The following GALNT17 variants were observed in gnomAD, a reference collection of about 807,000 sequenced individuals.
The protein encoded by GALNT17 is polypeptide N-acetylgalactosaminyltransferase 17, also known as UDP-GalNAc:polypeptide N-acetylgalactosaminyltransferase-like 3.
Under a neutral mutation model 63.7 loss-of-function variants are expected in GALNT17, and 29 were observed. The ratio of observed to expected loss-of-function variants is 0.46; its 90% confidence interval spans 0.34 to 0.62. The LOEUF (loss-of-function observed/expected upper bound fraction) is 0.62. GALNT17 is among the 20% of genes least tolerant of loss of function. The pLI, the probability that GALNT17 is intolerant of heterozygous loss-of-function variation, is 0.01. For synonymous variants in GALNT17, 305 were observed against 318.3 expected (o/e 0.96, Z 0.45); for missense variants, 603 against 799.6 (o/e 0.75, Z 2.97).
intron 5 of GALNT17, among the ~76,000 whole-genome samples, chr7:71,423,192 C>T (rs2116460961): frequency 6.6e-6 from 1 of 152,318 alleles, no homozygotes. Context: ...TACCTGTCCT[C>T]ATTTAGGTCC....
At chr7:71,482,287 T>TTACAG (rs1787834756) in intron 5 of GALNT17, among the ~76,000 whole-genome samples, 1 of 151,954 alleles carries the variant, frequency 6.6e-6, no homozygotes, top group South Asian at 2.1e-4. Context: ...GTAGCTGGGA[T>TTACAG]TACAGGCACC....
At chr7:71,156,760 A>G (rs1434292638) in intron 1 of GALNT17, among the ~76,000 whole-genome samples, 1 of 143,592 alleles carries the variant, frequency 7.0e-6, no homozygotes, top group South Asian at 2.2e-4. Flanking sequence ...GCCCAGGCTC[A>G]CTGCCCAGGA....
intron 1 of GALNT17, among the ~76,000 whole-genome samples, chr7:71,134,835 G>GTTTTTTTTTTTT (rs561383417): frequency 1.7e-5 from 1 of 57,908 alleles, no homozygotes; most frequent in Admixed American, 3.0e-4. Flanking sequence ...TTGTTTTATG[G>GTTTTTTTTTTTT]TTTTTTTTTT....
rs576318251 is a variant in GALNT17, at chr7:71,356,092, C to G, written c.422+20359C>G. 2.0e-5 allele frequency among the ~76,000 whole-genome samples: 3 copies of G among 152,196 alleles called. No homozygotes were observed. In the East Asian group the frequency reaches 5.8e-4, roughly 30 times the overall value. On this transcript the variant is annotated intron_variant, in intron 2 of 10. Transcript: ENST00000333538. ...TCCTGAGTTCAAGCGATTCTCCTGC[C>G]TCAGCCTCTGAGTAGCTGGAATTAC... is the stretch of plus-strand genomic sequence containing the variant.
chr7:71,407,605 G>A (rs546922404), intron 3 of GALNT17, among the ~76,000 whole-genome samples: 20 of 152,040 alleles, frequency 1.3e-4, no homozygotes, highest in African/African-American at 4.1e-4. Flanking sequence ...AAAATTAGCC[G>A]GACATGGTGG....
chr7:71,301,278 C>T (rs1436443354), intron 1 of GALNT17, among the ~76,000 whole-genome samples: 1 of 150,676 alleles, frequency 6.6e-6, no homozygotes, highest in Non-Finnish European at 1.5e-5. Context: ...CAGAGTGAGA[C>T]CCTGCCTGAT....
intron 1 of GALNT17, among the ~76,000 whole-genome samples, chr7:71,232,789 A>G (rs1164750185): frequency 6.6e-6 from 1 of 152,072 alleles, no homozygotes; most frequent in Non-Finnish European, 1.5e-5. Flanking sequence ...AGAAATTTCT[A>G]GATGAGGGGT....
chr7:71,357,333 C>T (rs1792306019), intron 2 of GALNT17, among the ~76,000 whole-genome samples: 1 of 152,146 alleles, frequency 6.6e-6, no homozygotes, highest in Admixed American at 6.5e-5. Flanking sequence ...CTATTGTGAA[C>T]TGTGCATGCA....
At chr7:71,358,321 G>C (rs1792330307) in intron 2 of GALNT17, among the ~76,000 whole-genome samples, 1 of 152,226 alleles carries the variant, frequency 6.6e-6, no homozygotes, top group Admixed American at 6.5e-5. Context: ...CTTGAACGCC[G>C]GAGGCGGAGG....
At chr7:71,384,970 T>C (rs1425264610) in intron 2 of GALNT17, among the ~76,000 whole-genome samples, 1 of 152,196 alleles carries the variant, frequency 6.6e-6, no homozygotes, top group East Asian at 1.9e-4. Flanking sequence ...CTGCATTGCA[T>C]TGACAACTGC....
chr7:71,279,558 C>A (rs1790743978), intron 1 of GALNT17, among the ~76,000 whole-genome samples: 1 of 151,802 alleles, frequency 6.6e-6, no homozygotes, highest in African/African-American at 2.4e-5. Flanking sequence ...ATCTAGTAGA[C>A]CTCATCTTAA....
intron 1 of GALNT17, among the ~76,000 whole-genome samples, chr7:71,261,555 C>G (rs771553018): frequency 1.6e-4 from 25 of 152,146 alleles, no homozygotes; most frequent in Non-Finnish European, 3.4e-4. Flanking sequence ...CTGGAAGAGA[C>G]ACTGCAAATC....
chr7:71,482,946 C>T (rs747685685), intron 5 of GALNT17, among the ~76,000 whole-genome samples: 1 of 152,072 alleles, frequency 6.6e-6, no homozygotes, highest in East Asian at 1.9e-4. Context: ...AGGCAGAGCT[C>T]GGTGGGTAAG....
chr7:71,577,113 A>G lies in GALNT17; in HGVS notation c.1080+5711A>G, dbSNP rs575637330. Among the ~76,000 whole-genome samples the G allele has an allele frequency of 2.0e-5, 3 of 152,360 alleles. No homozygotes were observed. The East Asian group carries it at 5.8e-4, about 29-fold the overall frequency. ...ATCCTAAGTGAATTAACACAAGAAC[A>G]GAAAACCGAATACCACATGTTCTCA... On this transcript the variant is annotated intron_variant, in intron 6 of 10. Transcript: ENST00000333538.
chr7:71,581,218 G>A (rs1789631133), intron 6 of GALNT17, among the ~76,000 whole-genome samples: 1 of 152,152 alleles, frequency 6.6e-6, no homozygotes, highest in African/African-American at 2.4e-5. Context: ...GGAGTACAGT[G>A]GCTCAATCTC....
At chr7:71,566,507 G>A (rs917273064) in intron 5 of GALNT17, among the ~76,000 whole-genome samples, 15 of 152,028 alleles carry the variant, frequency 9.9e-5, no homozygotes, top group Admixed American at 7.9e-4. Context: ...TGGAGCTAAC[G>A]CCGAGGACAT....
intron 2 of GALNT17, among the ~76,000 whole-genome samples, chr7:71,342,643 A>G: frequency 6.6e-6 from 1 of 152,230 alleles, no homozygotes; most frequent in East Asian, 1.9e-4. Context: ...TTTCATATTG[A>G]TTTAAACACA....
intron 5 of GALNT17, among the ~76,000 whole-genome samples, chr7:71,558,231 T>C (rs1204653744): frequency 6.6e-6 from 1 of 152,212 alleles, no homozygotes; most frequent in Non-Finnish European, 1.5e-5. Flanking sequence ...AAGGATATTA[T>C]GTGGGTACTT....
chr7:71,689,225 C>A (rs1791407023), intron 9 of GALNT17, among the ~76,000 whole-genome samples: 1 of 152,024 alleles, frequency 6.6e-6, no homozygotes, highest in South Asian at 2.1e-4. Flanking sequence ...TGAAATTCAG[C>A]CAATTAACAG....
Sources: allele counts gnomAD v4.1 joint callset (sites outside exome capture counted in the v4.1 genomes callset), GRCh38; gene constraint gnomAD v4.1.1; transcripts MANE v1.5; gene names NCBI Gene and HGNC (gene_info 2026-07-23, HGNC 2026-07-21).